Variants in CFAP20DC observed in about 807,000 individuals in gnomAD.
The protein encoded by CFAP20DC is protein CFAP20DC.
In CFAP20DC, 84 loss-of-function variants were observed where a neutral mutation model predicts 101.7. The observed-to-expected ratio is 0.83, with a 90% confidence interval of 0.69 to 0.99. The LOEUF (loss-of-function observed/expected upper bound fraction) is 0.99, where lower values mean the gene tolerates loss of function less well. Ranked by LOEUF, CFAP20DC falls within the 50% of genes least tolerant of loss-of-function variation. The pLI, the probability that CFAP20DC is intolerant of heterozygous loss-of-function variation, is 0.00. For missense variants in CFAP20DC, 1,007 were observed against 970.3 expected (o/e 1.04, Z -0.50); for synonymous variants, 359 against 351.2 (o/e 1.02, Z -0.25).
At chr3:58,840,216 G>T (rs72881628) in intron 13 of CFAP20DC, among the ~76,000 whole-genome samples, 5,700 of 152,238 alleles carry the variant, frequency 0.037, 133 homozygotes, top group African/African-American at 0.073. Context: ...TGTCTTTTCT[G>T]AGACAAGGAA....
intron 13 of CFAP20DC, among the ~76,000 whole-genome samples, chr3:58,846,334 A>G (rs1357815886): frequency 1.3e-5 from 2 of 150,990 alleles, no homozygotes; most frequent in Non-Finnish European, 3.0e-5. Context: ...TACAAAATCA[A>G]TGTACAAAAA....
At chr3:58,994,231 C>T (rs542287299) in intron 4 of CFAP20DC, among the ~76,000 whole-genome samples, 1 of 152,174 alleles carries the variant, frequency 6.6e-6, no homozygotes, top group Non-Finnish European at 1.5e-5. Context: ...CTGAGCTTAA[C>T]TGACACAAAA....
downstream of CFAP20DC, among the ~76,000 whole-genome samples, chr3:58,741,498 TA>T (rs928192048): frequency 1.2e-4 from 18 of 151,536 alleles, no homozygotes; most frequent in African/African-American, 3.4e-4. Context: ...ATTGTCAAAA[TA>T]TTTTTTTTTT....
chr3:58,855,703 G>T (rs1374447386), intron 12 of CFAP20DC, among the ~76,000 whole-genome samples: 1 of 151,780 alleles, frequency 6.6e-6, no homozygotes, highest in Admixed American at 6.6e-5. Flanking sequence ...GATGAAATTG[G>T]AAATCATCAT....
At chr3:58,845,423 T>C (rs1489513105) in intron 13 of CFAP20DC, among the ~76,000 whole-genome samples, 2 of 151,784 alleles carry the variant, frequency 1.3e-5, no homozygotes, top group Non-Finnish European at 2.9e-5. Context: ...AAGAAATGGA[T>C]AAATTCCTGG....
chr3:58,986,700 A>G (rs2108568957), intron 4 of CFAP20DC, among the ~76,000 whole-genome samples: 1 of 152,310 alleles, frequency 6.6e-6, no homozygotes. Context: ...AAAGACATTT[A>G]AAAACTCGTT....
At chr3:58,748,160 T>C (rs1478018821) in intron 16 of CFAP20DC, among the ~76,000 whole-genome samples, 1 of 152,176 alleles carries the variant, frequency 6.6e-6, no homozygotes, top group Non-Finnish European at 1.5e-5. Context: ...GATGTGCAGT[T>C]GTAACCCTGT....
intron 12 of CFAP20DC, among the ~76,000 whole-genome samples, chr3:58,850,363 G>C (rs1471783613): frequency 6.6e-6 from 1 of 152,030 alleles, no homozygotes; most frequent in African/African-American, 2.4e-5. Flanking sequence ...AAGGCAGGTG[G>C]ATCACCTGAG....
At chr3:58,915,462 C>T (rs938201235) in intron 5 of CFAP20DC, among the ~76,000 whole-genome samples, 8 of 152,206 alleles carry the variant, frequency 5.3e-5, no homozygotes, top group African/African-American at 1.9e-4. Context: ...TCTTATCATG[C>T]CCCAATCTCA....
chr3:58,887,020 T>C (rs1038621548), intron 6 of CFAP20DC, among the ~76,000 whole-genome samples: 1 of 152,228 alleles, frequency 6.6e-6, no homozygotes, highest in Non-Finnish European at 1.5e-5. Flanking sequence ...CTGTGCATCC[T>C]AGCCATGACA....
intron 16 of CFAP20DC, among the ~76,000 whole-genome samples, chr3:58,749,329 G>A (rs1319849540): frequency 1.3e-5 from 2 of 152,142 alleles, no homozygotes; most frequent in African/African-American, 4.8e-5. Flanking sequence ...GAATTCCTCT[G>A]TTGGAGAAGA....
chr3:58,899,603 C>T lies in CFAP20DC; in HGVS notation c.550+14105G>A, dbSNP rs969798312. On this transcript the variant is annotated intron_variant, in intron 6 of 16. Coordinates refer to ENST00000482387, the MANE Select transcript of CFAP20DC (RefSeq NM_001394063.1). The surrounding 1 kb of genome is among the most constrained non-coding windows in gnomAD (Gnocchi z 5.0). ...ACAGCTCTGTTTATTGGACCCAGTA[C>T]CCTGGTGGCATGCGCTTATGAGGGG... 3.3e-5 allele frequency among the ~76,000 whole-genome samples: 5 copies of T among 152,084 alleles called. No homozygotes were observed. Among genetic ancestry groups the T allele is most frequent in the South Asian group, 2.1e-4 (1 of 4,812 alleles).
chr3:58,931,372 A>C (rs1450163217), intron 5 of CFAP20DC, among the ~76,000 whole-genome samples: 1 of 152,176 alleles, frequency 6.6e-6, no homozygotes, highest in East Asian at 1.9e-4. Flanking sequence ...GACAGCAGTA[A>C]CCTCTGCAGA....
intron 13 of CFAP20DC, among the ~76,000 whole-genome samples, chr3:58,832,962 G>A (rs1041960636): frequency 6.6e-6 from 1 of 152,004 alleles, no homozygotes; most frequent in African/African-American, 2.4e-5. Context: ...GGAAACACTG[G>A]TTGTACTAAT....
intron 13 of CFAP20DC, among the ~76,000 whole-genome samples, chr3:58,844,432 T>C (rs2077431664): frequency 7.2e-6 from 1 of 138,046 alleles, no homozygotes; most frequent in Non-Finnish European, 1.5e-5. Flanking sequence ...TACATAATGG[T>C]AAAGGGATCA....
intron 4 of CFAP20DC, among the ~76,000 whole-genome samples, chr3:59,004,791 T>C (rs753048532): frequency 1.3e-5 from 2 of 152,206 alleles, no homozygotes; most frequent in Non-Finnish European, 2.9e-5. Flanking sequence ...GTTTTGTTCA[T>C]TTCCAATATC....
chr3:58,844,466 C>A (rs1460711576), intron 13 of CFAP20DC, among the ~76,000 whole-genome samples: 3 of 140,970 alleles, frequency 2.1e-5, no homozygotes, highest in Non-Finnish European at 4.4e-5. Context: ...AGCTAACTAT[C>A]GTAAACATAT....
Position 58,815,476 on chromosome 3 carries a change from A to G in CFAP20DC, c.2176-9020T>C, listed in dbSNP as rs1289359842. Among the ~76,000 whole-genome samples, 6 of 149,772 alleles carry G rather than the reference A, an allele frequency of 4.0e-5. No homozygotes were observed. The East Asian group carries it at 7.8e-4, about 20-fold the overall frequency. Reference sequence around the variant, plus strand: ...AGGACTTCATGTCTAAAACACCAAAAGCAATGGCAACAAAAGCCAAAATTG... The same window carrying G: ...AGGACTTCATGTCTAAAACACCAAAGGCAATGGCAACAAAAGCCAAAATTG... On this transcript the variant is annotated intron_variant, in intron 14 of 16. Transcript: ENST00000482387.
rs1457626384 is a variant in CFAP20DC at position 58,799,971 on chromosome 3, A to G, written c.2237+6424T>C. 6.6e-6 allele frequency among the ~76,000 whole-genome samples: 1 copy of G among 152,210 alleles called. No individual in the cohort carries two copies. Among genetic ancestry groups the G allele is most frequent in the Non-Finnish European group, 1.5e-5 (1 of 68,030 alleles). The stretch of plus-strand genomic sequence containing the variant: ...AACCTTGGTTAAGAGAACTCCATCC[A>G]GGCAGCACTCCTAAGTGGGGACCAA... On this transcript the variant is annotated intron_variant, in intron 15 of 16. Coordinates refer to ENST00000482387, the MANE Select transcript of CFAP20DC (RefSeq NM_001394063.1). The surrounding 1 kb of genome is among the most constrained non-coding windows in gnomAD (Gnocchi z 4.9).
Sources: gnomAD v4.1 joint callset for allele counts (sites outside exome capture counted in the v4.1 genomes callset) on GRCh38, gnomAD v4.1.1 for gene constraint, Gnocchi (gnomAD v3.1) non-coding constraint, MANE v1.5 for transcripts, NCBI Gene and HGNC (gene_info 2026-07-23, HGNC 2026-07-21) for gene names.